ZSWIM2: variants seen among roughly 807,000 people sequenced by gnomAD.
ZSWIM2 encodes E3 ubiquitin-protein ligase ZSWIM2.
A neutral mutation model predicts 48.4 loss-of-function variants in ZSWIM2; 38 were observed. That is an observed-to-expected ratio of 0.79 (90% CI 0.61 to 1.03). The LOEUF (loss-of-function observed/expected upper bound fraction) is 1.03. Among genes scored for constraint, ZSWIM2 ranks in the 50% least tolerant of loss-of-function variants. The pLI is 0.00. For missense variants in ZSWIM2, 776 were observed against 730.2 expected (o/e 1.06, Z -0.72); for synonymous variants, 240 against 251.3 (o/e 0.96, Z 0.42).
intron 7 of ZSWIM2, among the ~76,000 whole-genome samples, chr2:186,832,112 T>A (rs1691710198): frequency 6.8e-6 from 1 of 146,448 alleles, no homozygotes; most frequent in African/African-American, 2.7e-5. Flanking sequence ...TCTTTTTTTC[T>A]TTCTTTTCTA....
At chr2:186,847,343 C>G (rs144191587) in intron 2 of ZSWIM2, among the ~76,000 whole-genome samples, 1 of 151,926 alleles carries the variant, frequency 6.6e-6, no homozygotes, top group East Asian at 1.9e-4. Flanking sequence ...TTCAAGAAAA[C>G]GTGATTTTGG....
chr2:186,847,617 A>C, intron 2 of ZSWIM2, 102 bp downstream of exon 2: 2 of 732,502 alleles, frequency 2.7e-6, no homozygotes, highest in Non-Finnish European at 4.3e-6. Flanking sequence ...CCAAACACCA[A>C]ATTTCTTTAA....
intron 8 of ZSWIM2, 141 bp downstream of exon 8, chr2:186,829,586 G>T: frequency 1.4e-6 from 1 of 715,564 alleles, no homozygotes; most frequent in Non-Finnish European, 2.2e-6. Flanking sequence ...CTCTGTGGTA[G>T]TTCTTTCTAT....
rs747820640 is a variant in ZSWIM2, at chr2:186,833,992, C to T, written c.782G>A (p.Cys261Tyr). 110 of 1,613,056 alleles carry T rather than the reference C, an allele frequency of 6.8e-5. No homozygotes were observed. The highest frequency in any genetic ancestry group is 8.6e-5 in the Non-Finnish European group (101 of 1,179,540). ...GGAAAGATGGCAGCAGCTATCAAAA[C>T]ATTCCTGGCATAAGTGATATTCTAT... ...ECIEYHLCQE[C>Y]FDSCCHLSHT... The change falls in exon 6 of 9, where the codon TGT (cysteine) becomes TAT (tyrosine). Residue 261 changes from cysteine (C) to tyrosine (Y), a missense_variant. Coordinates refer to ENST00000295131, the MANE Select transcript of ZSWIM2 (RefSeq NM_182521.3).
At chr2:186,839,356 T>TA (rs1003515627) in intron 3 of ZSWIM2, among the ~76,000 whole-genome samples, 187 bp from the exon 4 acceptor site, 1 of 151,670 alleles carries the variant, frequency 6.6e-6, no homozygotes, top group Non-Finnish European at 1.5e-5. Context: ...AAGAGTCATT[T>TA]AAAAAAATAT....
intron 3 of ZSWIM2, among the ~76,000 whole-genome samples, 186 bp downstream of exon 3, chr2:186,844,531 T>G (rs1180686368): frequency 2.0e-5 from 3 of 151,482 alleles, no homozygotes; most frequent in Non-Finnish European, 1.5e-5. Flanking sequence ...TAAAGTTACA[T>G]TTTTTTAAAG....
At chr2:186,843,967 C>A (rs1457079500) in intron 3 of ZSWIM2, among the ~76,000 whole-genome samples, 1 of 151,572 alleles carries the variant, frequency 6.6e-6, no homozygotes, top group African/African-American at 2.4e-5. Flanking sequence ...AAAACCAATT[C>A]TTTTTGAATA....
Position 186,849,024 on chromosome 2 carries a change from T to C in ZSWIM2, c.107A>G (p.Glu36Gly), listed in dbSNP as rs749475188. ...ALSSSIYLLREMGPTGFLLRE... is the reference protein window; with the variant it reads ...ALSSSIYLLRGMGPTGFLLRE... ...CAGCAGGAAGCCAGTGGGGCCCATC[T>C]CTCGTAGGAGGTAGATGCTGCTACT... Residue 36 changes from glutamate (E) to glycine (G), a missense_variant, in exon 1 of 9, where the codon GAG becomes GGG. Glu to Gly is a moderately conservative substitution (Grantham distance 98, BLOSUM62 -2). Transcript: ENST00000295131. 2.4e-5 allele frequency: 39 copies of C among 1,614,022 alleles called. No individual in the cohort carries two copies. The highest frequency in any genetic ancestry group is 3.3e-5 in the Non-Finnish European group (39 of 1,180,008).
chr2:186,829,790 A>G lies in ZSWIM2; in HGVS notation c.1032T>C (p.Cys344=). The change falls in exon 8 of 9, where the codon TGT becomes TGC. Residue 344 remains cysteine (C), a synonymous_variant. Coordinates refer to ENST00000295131, the MANE Select transcript of ZSWIM2 (RefSeq NM_182521.3). ...GATGAAATGCCTTCAAACAAAGTAG[A>G]CACTGGTAGCCTGGAGCAAGCAGCT... is the stretch of plus-strand genomic sequence containing the variant. The part of the protein sequence containing the change: ...NSKLLAPGYQ[C]LLCLKAFHLG... 1 of 1,613,684 alleles carries G rather than the reference A, an allele frequency of 6.2e-7. No homozygotes were observed. The highest frequency in any genetic ancestry group is 8.5e-7 in the Non-Finnish European group (1 of 1,179,764).
chr2:186,848,851 A>T, intron 1 of ZSWIM2, 115 bp downstream of exon 1: 1 of 1,361,944 alleles, frequency 7.3e-7, no homozygotes, highest in Non-Finnish European at 1.0e-6. Context: ...TTCGGGGGTG[A>T]GGCAGCAAGT....
chr2:186,841,830 T>C (rs1186725073), intron 3 of ZSWIM2, among the ~76,000 whole-genome samples: 3 of 151,240 alleles, frequency 2.0e-5, no homozygotes, highest in Non-Finnish European at 3.0e-5. Context: ...ATAAAAAGTT[T>C]ACATCTTTCT....
chr2:186,832,188 C>G lies in ZSWIM2; in HGVS notation c.941+932G>C, dbSNP rs377582325. On this transcript the variant is annotated intron_variant, in intron 7 of 8. Coordinates refer to ENST00000295131, the MANE Select transcript of ZSWIM2 (RefSeq NM_182521.3). ...GGAGTACAGAATTGCCATTTTGGCT[C>G]ACTGCAACCTCCGGCTTCCAGGTTC... Among the ~76,000 whole-genome samples the G allele has an allele frequency of 3.0e-3, 447 of 151,490 alleles. 1 individual carries two copies. Among genetic ancestry groups the G allele is most frequent in the African/African-American group, 0.01 (428 of 41,270 alleles).
chr2:186,839,267 C>A, intron 3 of ZSWIM2, 98 bp from the exon 4 acceptor site: 1 of 1,095,536 alleles, frequency 9.1e-7, no homozygotes, highest in Middle Eastern at 2.1e-4. Flanking sequence ...TTTCAAATAT[C>A]AGAGAGACAG....
chr2:186,843,431 G>C (rs1227233974), intron 3 of ZSWIM2, among the ~76,000 whole-genome samples: 6 of 151,602 alleles, frequency 4.0e-5, no homozygotes, highest in African/African-American at 1.2e-4. Context: ...AAACAAGGAG[G>C]CTACACAGAA....
chr2:186,836,808 T>A (rs1691801005), intron 5 of ZSWIM2, among the ~76,000 whole-genome samples: 1 of 152,122 alleles, frequency 6.6e-6, no homozygotes, highest in African/African-American at 2.4e-5. Flanking sequence ...GTTGTTGAAG[T>A]ATAAGATATG....
chr2:186,828,665 A>C lies in ZSWIM2; in HGVS notation c.1221T>G (p.Ser407=). The change falls in exon 9 of 9, where the codon TCT becomes TCG. Residue 407 remains serine (S), a synonymous_variant. Transcript: ENST00000295131. Reference sequence around the variant, plus strand: ...GATGAATGATGTCTCTGTTTGAAACAGACTGATGTGCTTGTCCATTCACTG... The same window carrying C: ...GATGAATGATGTCTCTGTTTGAAACCGACTGATGTGCTTGTCCATTCACTG... ...NSAVNGQAHQ[S]VSNRDIIHLS... 1 of 1,613,322 alleles carries C rather than the reference A, an allele frequency of 6.2e-7. No homozygotes were observed. Among genetic ancestry groups the C allele is most frequent in the Non-Finnish European group, 8.5e-7 (1 of 1,179,666 alleles).
chr2:186,842,209 G>T (rs933725700), intron 3 of ZSWIM2, among the ~76,000 whole-genome samples: 1 of 150,908 alleles, frequency 6.6e-6, no homozygotes, highest in Admixed American at 6.6e-5. Context: ...TTATTTAAAC[G>T]CTATACATAA....
In ZSWIM2 at chr2:186,849,105, G is replaced by C. The variant is rs756470052; in HGVS notation, c.26C>G (p.Ser9Cys). 9.9e-6 allele frequency: 16 copies of C among 1,613,668 alleles called. No individual in the cohort carries two copies. The highest frequency in any genetic ancestry group is 1.4e-5 in the Non-Finnish European group (16 of 1,179,938). The change falls in exon 1 of 9, where the codon TCT becomes TGT. Residue 9 changes from serine (S) to cysteine (C), a missense_variant. Coordinates refer to ENST00000295131, the MANE Select transcript of ZSWIM2 (RefSeq NM_182521.3). ...CTCGCTCAAGTGTCTTCGCCTTTCA[G>C]AGGCCTTATAGCCTCGGCGAAGCAT... MLRRGYKASERRRHLSERL... is the reference protein window; with the variant it reads MLRRGYKACERRRHLSERL...
At chr2:186,833,062 G>T in intron 7 of ZSWIM2, 58 bp downstream of exon 7, 2 of 712,574 alleles carry the variant, frequency 2.8e-6, no homozygotes, top group South Asian at 4.8e-5. Flanking sequence ...TATTCAAATT[G>T]AGAAGTTATT....
Sources: allele counts gnomAD v4.1 joint callset (sites outside exome capture counted in the v4.1 genomes callset), GRCh38; gene constraint gnomAD v4.1.1; transcripts MANE v1.5; gene names NCBI Gene and HGNC (gene_info 2026-07-23, HGNC 2026-07-21).